Variants in PDHX observed in about 807,000 individuals in gnomAD.
PDHX encodes the protein pyruvate dehydrogenase complex component X.
Under a neutral mutation model 55.3 loss-of-function variants are expected in PDHX, and 33 were observed. The observed-to-expected ratio is 0.60, with a 90% CI of 0.45 to 0.80. The LOEUF (loss-of-function observed/expected upper bound fraction) is 0.80. Ranked by LOEUF, PDHX falls within the 30% of genes least tolerant of loss-of-function variation. PDHX has a pLI of 0.00. For missense variants in PDHX, 622 were observed against 619.9 expected (o/e 1.00, Z -0.04); for synonymous variants, 226 against 219.4 (o/e 1.03, Z -0.27).
At chr11:34,939,047 G>C (rs1044971178) in intron 2 of PDHX, among the ~76,000 whole-genome samples, 9 of 152,212 alleles carry the variant, frequency 5.9e-5, no homozygotes, top group African/African-American at 2.2e-4. Context: ...AGTATAATTG[G>C]CTGCTTTTCA....
chr11:34,940,832 A>AT (rs1181244090), intron 2 of PDHX, among the ~76,000 whole-genome samples: 1 of 152,090 alleles, frequency 6.6e-6, no homozygotes, highest in Non-Finnish European at 1.5e-5. Flanking sequence ...TTGTGACTAG[A>AT]TTTTTTCAGA....
At chr11:34,991,232 C>G (rs901837500) in intron 9 of PDHX, among the ~76,000 whole-genome samples, 1 of 152,110 alleles carries the variant, frequency 6.6e-6, no homozygotes. Context: ...GTAAATTGGA[C>G]TAGCTCATTC....
upstream of PDHX, chr11:34,916,476 C>G (rs1853703440): frequency 1.4e-6 from 2 of 1,459,258 alleles, no homozygotes; most frequent in Non-Finnish European, 1.8e-6. Flanking sequence ...GCGCACCTGA[C>G]TTCCCGGGAG....
At position 34,931,487 on chromosome 11, in the gene PDHX, G is replaced by A. The variant is rs78878052; in HGVS notation, c.241+3G>A. ...TGTGAAATGGCTGAAAAAGGAAGGT[G>A]AGGAGGTACCTTCCTAATGTCCTGT... On this transcript the variant is annotated splice_donor_region_variant and intron_variant, in intron 2 of 10. Coordinates refer to ENST00000227868, the MANE Select transcript of PDHX (RefSeq NM_003477.3). 9.3e-3 allele frequency: 14,236 copies of A among 1,538,376 alleles called. 992 individuals are homozygous for A. In the African/African-American group the frequency reaches 0.16, roughly 17 times the overall value.
At chr11:34,916,268 G>A, upstream of PDHX, 4 of 1,612,546 alleles carry the variant, frequency 2.5e-6, no homozygotes, top group Non-Finnish European at 3.4e-6. Flanking sequence ...TCCCTCCCGA[G>A]CATCACAGCC....
chr11:34,961,088 A>G (rs890146178), intron 5 of PDHX, among the ~76,000 whole-genome samples: 1 of 152,080 alleles, frequency 6.6e-6, no homozygotes, highest in Non-Finnish European at 1.5e-5. Flanking sequence ...CTTTTTTTAA[A>G]TCAGTTTTCT....
intron 9 of PDHX, among the ~76,000 whole-genome samples, chr11:34,988,040 A>G (rs1375476351): frequency 6.6e-6 from 1 of 152,228 alleles, no homozygotes; most frequent in Non-Finnish European, 1.5e-5. Flanking sequence ...GCTTTGTACT[A>G]TGGCTTATTT....
chr11:34,925,237 CTCT>C (rs1260648931), intron 1 of PDHX, among the ~76,000 whole-genome samples: 3 of 152,164 alleles, frequency 2.0e-5, no homozygotes, highest in African/African-American at 7.2e-5. Flanking sequence ...GAACTTCAAG[CTCT>C]TCTTTTTGCC....
At chr11:34,917,027 C>A (rs568004687) in intron 1 of PDHX, among the ~76,000 whole-genome samples, 1 of 152,082 alleles carries the variant, frequency 6.6e-6, no homozygotes, top group African/African-American at 2.4e-5. Context: ...CTGCCCTAGG[C>A]CCCCTGGTTT....
intron 1 of PDHX, among the ~76,000 whole-genome samples, chr11:34,928,520 A>G (rs1428650345): frequency 6.6e-6 from 1 of 151,748 alleles, no homozygotes; most frequent in Non-Finnish European, 1.5e-5. Context: ...GCTTAACAAA[A>G]TAAATGCTGA....
intron 1 of PDHX, among the ~76,000 whole-genome samples, chr11:34,917,191 C>T (rs1305309240): frequency 6.6e-6 from 1 of 152,138 alleles, no homozygotes; most frequent in Non-Finnish European, 1.5e-5. Context: ...CCCAAGGTTG[C>T]CGAGATTGAA....
At chr11:34,987,184 C>T (rs1310032999) in intron 9 of PDHX, among the ~76,000 whole-genome samples, 1 of 152,122 alleles carries the variant, frequency 6.6e-6, no homozygotes, top group Non-Finnish European at 1.5e-5. Flanking sequence ...TCTAATCATT[C>T]ACTTCTTTAC....
chr11:34,930,381 GA>G (rs1376550128), intron 1 of PDHX, among the ~76,000 whole-genome samples: 4 of 152,188 alleles, frequency 2.6e-5, no homozygotes, highest in Non-Finnish European at 5.9e-5. Context: ...AGCTTCCCAA[GA>G]GAAATATTTA....
intron 5 of PDHX, among the ~76,000 whole-genome samples, chr11:34,964,401 T>G (rs1348282833): frequency 6.6e-6 from 1 of 152,054 alleles, no homozygotes; most frequent in East Asian, 1.9e-4. Flanking sequence ...GCCAGGAGTT[T>G]GAGACCAGTC....
intron 10 of PDHX, among the ~76,000 whole-genome samples, chr11:34,992,706 A>T (rs1258713708): frequency 6.6e-6 from 1 of 152,098 alleles, no homozygotes; most frequent in East Asian, 1.9e-4. Context: ...CCACTTATTT[A>T]TTATTGCAGC....
intron 8 of PDHX, among the ~76,000 whole-genome samples, 171 bp downstream of exon 8, chr11:34,978,353 T>C (rs1037632293): frequency 2.0e-5 from 3 of 152,062 alleles, no homozygotes; most frequent in African/African-American, 7.2e-5. Context: ...AAACTGTAAA[T>C]CAAAAGGGCT....
intron 1 of PDHX, among the ~76,000 whole-genome samples, chr11:34,919,278 AC>A (rs1361283384): frequency 3.5e-5 from 5 of 141,802 alleles, no homozygotes; most frequent in Non-Finnish European, 8.3e-5. Flanking sequence ...TGTTTTACAA[AC>A]TGTGAATTTA....
At chr11:34,981,700 G>A (rs539175774) in intron 8 of PDHX, among the ~76,000 whole-genome samples, 1 of 152,222 alleles carries the variant, frequency 6.6e-6, no homozygotes, top group East Asian at 1.9e-4. Flanking sequence ...ATTCTAACTG[G>A]TGTGAGATGG....
chr11:34,981,797 T>C (rs1277701116), intron 8 of PDHX, among the ~76,000 whole-genome samples: 1 of 152,270 alleles, frequency 6.6e-6, no homozygotes, highest in Non-Finnish European at 1.5e-5. Context: ...CATAAATGTC[T>C]TCTTTTGAGA....
Sources: gnomAD v4.1 joint callset for allele counts (sites outside exome capture counted in the v4.1 genomes callset) on GRCh38, gnomAD v4.1.1 for gene constraint, MANE v1.5 for transcripts, NCBI Gene and HGNC (gene_info 2026-07-23, HGNC 2026-07-21) for gene names.